The following WDR4 variants were observed in gnomAD, a reference collection of about 807,000 sequenced individuals.
WDR4 encodes the protein tRNA (guanine-N(7)-)-methyltransferase non-catalytic subunit WDR4.
In WDR4, 47 loss-of-function variants were observed where a neutral mutation model predicts 48.6. That is an observed-to-expected ratio of 0.97 (90% CI 0.77 to 1.23). The LOEUF (loss-of-function observed/expected upper bound fraction) is 1.23, where lower values mean the gene tolerates loss of function less well. WDR4 is among the 50% of genes most tolerant of loss of function. The pLI is 0.00. For synonymous variants in WDR4, 268 were observed against 230.0 expected (o/e 1.17, Z -1.49); for missense variants, 606 against 551.6 (o/e 1.10, Z -0.99).
At chr21:42,844,158 C>G (rs991374841) in intron 11 of WDR4, among the ~76,000 whole-genome samples, 2 of 152,140 alleles carry the variant, frequency 1.3e-5, no homozygotes, top group Admixed American at 6.5e-5. Flanking sequence ...GATGAGCAGA[C>G]TCACGGACCC....
At position 42,850,628 on chromosome 21, in the gene WDR4, C is replaced by T. The variant is rs370522357; in HGVS notation, c.1046-386G>A. Among the ~76,000 whole-genome samples the T allele has an allele frequency of 1.6e-4, 24 of 152,288 alleles. 1 individual carries two copies. In the South Asian group the frequency reaches 2.1e-3, roughly 13 times the overall value. On this transcript the variant is annotated intron_variant, in intron 10 of 10. Coordinates refer to ENST00000398208, the MANE Select transcript of WDR4 (RefSeq NM_018669.6). ...AGCCTCTGGCCAACAGCCAGAGAGGCCCCCTGTCCTGCCGACAACCCAGAC... is the reference window on the plus strand; with the variant it reads ...AGCCTCTGGCCAACAGCCAGAGAGGTCCCCTGTCCTGCCGACAACCCAGAC...
At chr21:42,859,846 A>G in intron 5 of WDR4, 124 bp from the exon 6 acceptor site, 1 of 975,028 alleles carries the variant, frequency 1.0e-6, no homozygotes, top group Non-Finnish European at 1.6e-6. Context: ...CTGATCCAAT[A>G]AAAACAGCCA....
At chr21:42,867,232 A>T (rs141242347) in intron 3 of WDR4, among the ~76,000 whole-genome samples, 2 of 152,076 alleles carry the variant, frequency 1.3e-5, no homozygotes, top group Non-Finnish European at 2.9e-5. Context: ...CTCTACTAAA[A>T]ATATAAAAAT....
At chr21:42,852,175 G>C (rs2057847989) in intron 10 of WDR4, 80 bp downstream of exon 10, 2 of 1,457,016 alleles carry the variant, frequency 1.4e-6, no homozygotes, top group Admixed American at 1.7e-5. Context: ...ACCCCGGGCA[G>C]GTCACAGTGT....
At chr21:42,879,739 A>C (rs1302738484), upstream of WDR4, 15 of 508,878 alleles carry the variant, frequency 2.9e-5, no homozygotes, top group Non-Finnish European at 1.4e-5. Flanking sequence ...GATGGAGTGC[A>C]CTTCGCACGA....
At chr21:42,889,443 G>A in the WDR4 span, among the ~76,000 whole-genome samples, 2 of 152,108 alleles carry the variant, frequency 1.3e-5, no homozygotes, top group Non-Finnish European at 2.9e-5. Flanking sequence ...TTTGCCCAGG[G>A]TCACCCATCA....
Position 42,873,808 on chromosome 21 carries a change from A to C in WDR4, c.156-117T>G. 2 of 1,216,664 alleles carry C rather than the reference A, an allele frequency of 1.6e-6. 1 individual carries two copies. 75.4% of individuals were successfully genotyped at this position (1,216,664 alleles called of 1,614,324 possible). On this transcript the variant is annotated intron_variant, in intron 2 of 10. Coordinates refer to ENST00000398208, the MANE Select transcript of WDR4 (RefSeq NM_018669.6). ...GGAGGTAGAAACTGTTAAGGGGATC[A>C]CGTAGCCAAAATACAGACATATTAA... is the stretch of plus-strand genomic sequence containing the variant.
the WDR4 span, among the ~76,000 whole-genome samples, chr21:42,892,925 C>T: frequency 6.6e-6 from 1 of 152,248 alleles, no homozygotes; most frequent in Admixed American, 6.5e-5. Flanking sequence ...AGACTGTGCC[C>T]CCAGGGAAGG....
At chr21:42,877,977 G>A (rs140666500) in intron 1 of WDR4, among the ~76,000 whole-genome samples, 1,838 of 150,770 alleles carry the variant, frequency 0.012, 38 homozygotes, top group African/African-American at 0.042. Context: ...CCCGGGAGGC[G>A]GAGCTTGCAG....
intron 3 of WDR4, among the ~76,000 whole-genome samples, chr21:42,872,289 G>A (rs888508337): frequency 2.6e-5 from 4 of 151,980 alleles, no homozygotes; most frequent in Non-Finnish European, 4.4e-5. Flanking sequence ...GCACCCAGCT[G>A]AATTTGGGTT....
At chr21:42,875,111 C>T (rs554184422) in intron 2 of WDR4, among the ~76,000 whole-genome samples, 3 of 152,150 alleles carry the variant, frequency 2.0e-5, no homozygotes, top group Non-Finnish European at 2.9e-5. Context: ...AAAGAACCTA[C>T]GTGAAATATC....
At chr21:42,852,997 C>G (rs554914196) in intron 9 of WDR4, among the ~76,000 whole-genome samples, 1 of 152,270 alleles carries the variant, frequency 6.6e-6, no homozygotes, top group Admixed American at 6.5e-5. Flanking sequence ...CCACAGCAAC[C>G]CTGTGAGACG....
At position 42,850,157 on chromosome 21, in the gene WDR4, C is replaced by G. The variant is rs146736520; in HGVS notation, c.1131G>C (p.Glu377Asp). Reference protein sequence around the residue: ...NVTSYLKKKEERLQQQLEKKQ... With the variant: ...NVTSYLKKKEDRLQQQLEKKQ... ...TCTTCTCTAGCTGCTGCTGCAGTCT[C>G]TCCTCTTTCTTCTTCAGGTAGGAGG... The change falls in exon 11 of 11, where the codon GAG becomes GAC. Residue 377 changes from glutamate (E) to aspartate (D), a missense_variant. Physicochemically the swap from Glu to Asp is conservative, Grantham distance 45. Coordinates refer to ENST00000398208, the MANE Select transcript of WDR4 (RefSeq NM_018669.6). 5.8e-5 allele frequency: 94 copies of G among 1,614,152 alleles called. 1 individual carries two copies. The African/African-American group carries it at 7.7e-4, about 13-fold the overall frequency.
At chr21:42,853,381 G>A (rs908116816) in intron 9 of WDR4, among the ~76,000 whole-genome samples, 188 bp downstream of exon 9, 1 of 152,230 alleles carries the variant, frequency 6.6e-6, no homozygotes, top group Admixed American at 6.5e-5. Context: ...ACGCCGGCCT[G>A]GCACCCGGCT....
chr21:42,851,483 G>A (rs752156464), intron 10 of WDR4, among the ~76,000 whole-genome samples: 12 of 152,220 alleles, frequency 7.9e-5, no homozygotes, highest in Non-Finnish European at 1.6e-4. Context: ...AGGAACCTCA[G>A]TGCTCACTGC....
At chr21:42,889,857 G>A in the WDR4 span, among the ~76,000 whole-genome samples, 2 of 152,026 alleles carry the variant, frequency 1.3e-5, no homozygotes, top group South Asian at 4.1e-4. Flanking sequence ...ACAGCTCCCG[G>A]CCAGTTTTCC....
upstream of WDR4, among the ~76,000 whole-genome samples, chr21:42,880,273 T>C (rs974750910): frequency 1.3e-5 from 2 of 152,108 alleles, no homozygotes; most frequent in Non-Finnish European, 2.9e-5. Context: ...ACTGTAGTGA[T>C]ATTTTCAACC....
At chr21:42,856,330 G>A (rs528614597) in intron 6 of WDR4, among the ~76,000 whole-genome samples, 2 of 152,302 alleles carry the variant, frequency 1.3e-5, no homozygotes, top group Non-Finnish European at 1.5e-5. Context: ...GAGGCTCCAC[G>A]CTCTAAAACC....
chr21:42,879,285 C>T (rs1231453784), intron 1 of WDR4, 122 bp downstream of exon 1: 7 of 1,417,268 alleles, frequency 4.9e-6, no homozygotes, highest in Non-Finnish European at 6.5e-6. Context: ...TGGGCTGGAG[C>T]GGAGTTCCCC....
Sources: allele counts gnomAD v4.1 joint callset (sites outside exome capture counted in the v4.1 genomes callset), GRCh38; gene constraint gnomAD v4.1.1; transcripts MANE v1.5; gene names NCBI Gene and HGNC (gene_info 2026-07-23, HGNC 2026-07-21).